Variants in PNPLA6 observed in about 807,000 individuals in gnomAD.
PNPLA6 encodes patatin like domain 6, lysophospholipase.
In PNPLA6, 105 loss-of-function variants were observed where a neutral mutation model predicts 153.7. That is an observed-to-expected ratio of 0.68 (90% CI 0.58 to 0.80). The LOEUF (loss-of-function observed/expected upper bound fraction) is 0.80. Among genes scored for constraint, PNPLA6 ranks in the 30% least tolerant of loss-of-function variants. The pLI, the probability that PNPLA6 is intolerant of heterozygous loss-of-function variation, is 0.00. For synonymous variants in PNPLA6, 825 were observed against 822.2 expected (o/e 1.00, Z -0.06); for missense variants, 1,423 against 1,919.3 (o/e 0.74, Z 4.83).
At position 7,541,764 on chromosome 19, in the gene PNPLA6, C is replaced by T; in HGVS notation, c.1168+80C>T. 1 of 1,460,466 alleles carries T rather than the reference C, an allele frequency of 6.8e-7. No homozygotes were observed. Among genetic ancestry groups the T allele is most frequent in the Non-Finnish European group, 9.3e-7 (1 of 1,076,906 alleles). 90.5% of individuals were successfully genotyped at this position (1,460,466 alleles called of 1,614,324 possible). On this transcript the variant is annotated intron_variant, in intron 9 of 31. Coordinates refer to ENST00000600737, the MANE Select transcript of PNPLA6 (RefSeq NM_001166114.2). The surrounding 1 kb of genome is among the most constrained non-coding windows in gnomAD (Gnocchi z 5.2). The stretch of plus-strand genomic sequence containing the variant: ...GCCGCCAGCCCCTTTTTCAGTTCTG[C>T]ATAGAGTCAACCTGACCTTGTCCAG...
chr19:7,540,164 C>T lies in PNPLA6; in HGVS notation c.570C>T (p.Phe190=), dbSNP rs1007265464. 2.5e-5 allele frequency: 41 copies of T among 1,611,218 alleles called. No individual in the cohort carries two copies. The highest frequency in any genetic ancestry group is 3.1e-5 in the Non-Finnish European group (36 of 1,179,998). ...TGTCCAACAGGGTGCTGGGCCACTT[C>T]GAGAAGCCACTCTTCCTGGAGCTCT... ...MLKNVRVLGH[F]EKPLFLELCR... is the part of the protein sequence containing the mutation. Residue 190 remains phenylalanine (F), a synonymous_variant, in exon 5 of 32, where the codon TTC becomes TTT. Transcript: ENST00000600737. The surrounding 1 kb of genome is among the most constrained non-coding windows in gnomAD (Gnocchi z 6.8).
At chr19:7,551,522 G>T in intron 18 of PNPLA6, 85 bp downstream of exon 18, 1 of 1,186,638 alleles carries the variant, frequency 8.4e-7, no homozygotes, top group Non-Finnish European at 1.3e-6. Context: ...TTTCCTGAGG[G>T]ATGCTGGGAA....
intron 16 of PNPLA6, 139 bp downstream of exon 16, chr19:7,550,779 C>A: frequency 2.6e-6 from 3 of 1,164,768 alleles, no homozygotes; most frequent in South Asian, 1.4e-5. Flanking sequence ...ACTCCCCGCC[C>A]AGACCTCATT....
rs745714280 is a variant in PNPLA6, at chr19:7,560,651, G to A, written c.3703G>A (p.Val1235Met). The A allele has an allele frequency of 1.8e-5, 29 of 1,609,726 alleles. 1 individual carries two copies. The highest frequency in any genetic ancestry group is 9.9e-5 in the South Asian group (9 of 90,982). The change falls in exon 29 of 32, where the codon GTG becomes ATG. Residue 1235 changes from valine (V) to methionine (M), a missense_variant. Around this residue, in one of 10 missense-constraint regions of PNPLA6, gnomAD observed 643 missense variants for 835.2 expected, o/e 0.77. Coordinates refer to ENST00000600737, the MANE Select transcript of PNPLA6 (RefSeq NM_001166114.2). Reference protein sequence around the residue: ...DFGKFDQIYDVGYQYGKAVFG... With the variant: ...DFGKFDQIYDMGYQYGKAVFG... ...CCCAGCCCCTCATTTCCCACAGGATGTGGGCTACCAGTACGGGAAGGCGGT... is the reference window on the plus strand; with the variant it reads ...CCCAGCCCCTCATTTCCCACAGGATATGGGCTACCAGTACGGGAAGGCGGT...
chr19:7,542,061 A>T lies in PNPLA6; in HGVS notation c.1246A>T (p.Ile416Phe). 3.1e-6 allele frequency: 5 copies of T among 1,605,846 alleles called. No individual in the cohort carries two copies. The South Asian group carries it at 5.5e-5, about 18-fold the overall frequency. ...LSRCVSMPGD[I>F]SGLQGGPRSD... ...CCGCTGCGTCTCCATGCCAGGGGAC[A>T]TCTCAGGTTTGGAGCACTGGGTCTG... The change falls in exon 10 of 32, where the codon ATC becomes TTC. Residue 416 changes from isoleucine (I) to phenylalanine (F), a missense_variant. This residue lies in a region of PNPLA6 where 267 missense variants were observed against 255.1 expected (regional missense o/e 1.05). Coordinates refer to ENST00000600737, the MANE Select transcript of PNPLA6 (RefSeq NM_001166114.2).
intron 3 of PNPLA6, among the ~76,000 whole-genome samples, chr19:7,537,150 T>TG (rs1018679996): frequency 1.3e-5 from 2 of 151,894 alleles, no homozygotes; most frequent in South Asian, 2.1e-4. Flanking sequence ...ATATACTTAG[T>TG]GGGGGGGTCT....
chr19:7,550,053 C>G lies in PNPLA6; in HGVS notation c.1755C>G (p.Phe585Leu). ...LAVLTGEPLIFTLRAQRDCTF... is the reference protein window; with the variant it reads ...LAVLTGEPLILTLRAQRDCTF... ...TGCTCACTGGCGAACCTCTCATCTTCACACTGCGAGCCCAACGCGACTGCA... is the reference window on the plus strand; with the variant it reads ...TGCTCACTGGCGAACCTCTCATCTTGACACTGCGAGCCCAACGCGACTGCA... The change falls in exon 14 of 32, where the codon TTC (phenylalanine) becomes TTG (leucine). Residue 585 changes from phenylalanine to leucine, a missense_variant. By Grantham distance (22) the Phe-to-Leu change is conservative (BLOSUM62 0). This residue lies in a region of PNPLA6 where 119 missense variants were observed against 163.7 expected (regional missense o/e 0.73). Transcript: ENST00000600737. 1 of 1,614,118 alleles carries G rather than the reference C, an allele frequency of 6.2e-7. No homozygotes were observed. Among genetic ancestry groups the G allele is most frequent in the East Asian group, 2.2e-5 (1 of 44,888 alleles).
At position 7,540,890 on chromosome 19, in the gene PNPLA6, C is replaced by G; in HGVS notation, c.796-33C>G. 1 of 1,612,906 alleles carries G rather than the reference C, an allele frequency of 6.2e-7. No homozygotes were observed. The highest frequency in any genetic ancestry group is 1.3e-5 in the African/African-American group (1 of 75,002). ...AGCGAGGGGGACTCGCAGCCTCTGCCCTTGTCTCTCTTCACGCCCTCCCCT... is the reference window on the plus strand; with the variant it reads ...AGCGAGGGGGACTCGCAGCCTCTGCGCTTGTCTCTCTTCACGCCCTCCCCT... On this transcript the variant is annotated intron_variant, in intron 6 of 31. Transcript: ENST00000600737. This position sits in a 1 kb window ranked among gnomAD's most constrained non-coding sequence, Gnocchi z 6.8.
intron 27 of PNPLA6, 74 bp from the exon 28 acceptor site, chr19:7,558,776 C>A: frequency 9.7e-7 from 1 of 1,030,606 alleles, no homozygotes; most frequent in Non-Finnish European, 1.5e-6. Context: ...ATGATGGCAT[C>A]TGTGGGACTG....
At chr19:7,560,932 C>A (rs894591177) in intron 29 of PNPLA6, 82 bp from the exon 30 acceptor site, 2 of 890,336 alleles carry the variant, frequency 2.2e-6, no homozygotes, top group Non-Finnish European at 3.7e-6. Flanking sequence ...CTCCTCTGAG[C>A]CCCCAATGCA....
Position 7,541,703 on chromosome 19 carries a change from C to T in PNPLA6, c.1168+19C>T, listed in dbSNP as rs1317890808. 1 of 1,555,330 alleles carries T rather than the reference C, an allele frequency of 6.4e-7. No homozygotes were observed. The highest frequency in any genetic ancestry group is 1.4e-5 in the African/African-American group (1 of 73,772). Reference sequence around the variant, plus strand: ...CCTACAGGTACCCAGGGACCCGAGGCCAGCCGAGCCCAATCTCCCAGGAAG... The same window carrying T: ...CCTACAGGTACCCAGGGACCCGAGGTCAGCCGAGCCCAATCTCCCAGGAAG... On this transcript the variant is annotated intron_variant, in intron 9 of 31. Transcript: ENST00000600737. The surrounding 1 kb of genome is among the most constrained non-coding windows in gnomAD (Gnocchi z 5.2).
chr19:7,554,642 G>A lies in PNPLA6; in HGVS notation c.2553G>A (p.Thr851=). Residue 851 remains threonine (T), a synonymous_variant, in exon 21 of 32, where the codon ACG becomes ACA. Coordinates refer to ENST00000600737, the MANE Select transcript of PNPLA6 (RefSeq NM_001166114.2). ...IVLYQTDASL[T]PWTVRCLRQA... ...TCTACCAGACGGACGCCTCGCTGACGCCCTGGACCGTGCGCTGCCTGCGAC... is the reference window on the plus strand; with the variant it reads ...TCTACCAGACGGACGCCTCGCTGACACCCTGGACCGTGCGCTGCCTGCGAC... 6.2e-7 allele frequency: 1 copy of A among 1,614,018 alleles called. No homozygotes were observed.
At chr19:7,545,173 C>T (rs377736585) in intron 13 of PNPLA6, among the ~76,000 whole-genome samples, 2 of 152,052 alleles carry the variant, frequency 1.3e-5, no homozygotes, top group Non-Finnish European at 2.9e-5. Flanking sequence ...ACTACAGTCA[C>T]GTGCCACCAC....
At chr19:7,554,871 C>T (rs767606545) in intron 21 of PNPLA6, 22 bp from the exon 22 acceptor site, 42 of 1,574,170 alleles carry the variant, frequency 2.7e-5, no homozygotes, top group Non-Finnish European at 3.3e-5. Flanking sequence ...GGCTGGTGAC[C>T]TCAGCCGTCC....
chr19:7,553,984 G>A lies in PNPLA6; in HGVS notation c.2370G>A (p.Thr790=), dbSNP rs1223839797. The change falls in exon 19 of 32, where the codon ACG becomes ACA. Residue 790 remains threonine, a synonymous_variant. Coordinates refer to ENST00000600737, the MANE Select transcript of PNPLA6 (RefSeq NM_001166114.2). ...CTGAGGTCCCCATGGTGGCCTTCAC[G>A]CTGGAGCTGCAGCACGCCCTGCAGG... ...VCAEVPMVAF[T]LELQHALQAI... The A allele has an allele frequency of 5.0e-6, 8 of 1,613,944 alleles. No individual in the cohort carries two copies. The highest frequency in any genetic ancestry group is 4.0e-5 in the African/African-American group (3 of 74,882).
At chr19:7,535,345 C>G, upstream of PNPLA6, 2 of 661,526 alleles carry the variant, frequency 3.0e-6, no homozygotes, top group East Asian at 2.7e-5. The surrounding 1 kb of genome is among the most constrained non-coding windows in gnomAD (Gnocchi z 5.0). Flanking sequence ...TTGCTCCATC[C>G]CTTAGTCCCG....
At position 7,555,021 on chromosome 19, in the gene PNPLA6, C is replaced by G; in HGVS notation, c.2763C>G (p.His921Gln). 6.3e-7 allele frequency: 1 copy of G among 1,593,738 alleles called. No individual in the cohort carries two copies. The highest frequency in any genetic ancestry group is 8.5e-7 in the Non-Finnish European group (1 of 1,178,268). Residue 921 changes from histidine to glutamine, a missense_variant, in exon 22 of 32, where the codon CAC becomes CAG. Transcript: ENST00000600737. The surrounding 1 kb of genome is among the most constrained non-coding windows in gnomAD (Gnocchi z 6.3). ...WLNMRSWCSG[H>Q]LHLRCPRRLF... ...ATATGCGCAGCTGGTGCTCGGGGCA[C>G]CTGCACCTGCGCTGTCCGCGCCGCC...
chr19:7,558,755 T>G, intron 27 of PNPLA6, 95 bp from the exon 28 acceptor site: 1 of 848,812 alleles, frequency 1.2e-6, no homozygotes, highest in Non-Finnish European at 1.9e-6. Context: ...TTTTTTTGCG[T>G]GATCATTTGC....
intron 3 of PNPLA6, among the ~76,000 whole-genome samples, chr19:7,539,681 C>T: frequency 6.8e-6 from 1 of 146,824 alleles, no homozygotes; most frequent in East Asian, 2.0e-4. Context: ...CGCTTGAACC[C>T]TGGAGGTGGA....
Sources: allele counts gnomAD v4.1 joint callset (sites outside exome capture counted in the v4.1 genomes callset), GRCh38; gene constraint gnomAD v4.1.1; regional missense constraint gnomAD v4.1.1; non-coding constraint Gnocchi (gnomAD v3.1); transcripts MANE v1.5; gene names NCBI Gene and HGNC (gene_info 2026-07-23, HGNC 2026-07-21).